Variants in NUB1 observed in about 807,000 individuals in gnomAD.
NUB1 encodes NEDD8 ultimate buster 1.
In NUB1, 41 loss-of-function variants were observed where a neutral mutation model predicts 77.1. The ratio of observed to expected loss-of-function variants is 0.53; its 90% CI spans 0.41 to 0.69. The LOEUF is 0.69. Ranked by LOEUF, NUB1 falls within the 30% of genes least tolerant of loss-of-function variation. NUB1 has a pLI of 0.00. For missense variants in NUB1, 643 were observed against 743.8 expected (o/e 0.86, Z 1.58); for synonymous variants, 257 against 281.0 (o/e 0.91, Z 0.85).
At chr7:151,363,519 A>T (rs1797487582) in intron 8 of NUB1, among the ~76,000 whole-genome samples, 2 of 152,104 alleles carry the variant, frequency 1.3e-5, no homozygotes, top group Non-Finnish European at 2.9e-5. Flanking sequence ...CCTAAAATGC[A>T]TGTAATTGGA....
At chr7:151,342,766 G>T (rs1387327390) in intron 1 of NUB1, among the ~76,000 whole-genome samples, 1 of 152,158 alleles carries the variant, frequency 6.6e-6, no homozygotes, top group African/African-American at 2.4e-5. Flanking sequence ...TGTCTGACAC[G>T]CACTGGGTTT....
chr7:151,374,203 T>C lies in NUB1; in HGVS notation c.1355T>C (p.Val452Ala), dbSNP rs1798097578. 2 of 1,568,816 alleles carry C rather than the reference T, an allele frequency of 1.3e-6. No homozygotes were observed. The highest frequency in any genetic ancestry group is 2.7e-5 in the African/African-American group (2 of 73,654). The change falls in exon 12 of 15, where the codon GTA becomes GCA. Residue 452 changes from valine to alanine, a missense_variant. Val to Ala is a moderately conservative substitution (Grantham distance 64). Transcript: ENST00000568733. ...TACTCCACGCACGCGGCCCAGCAGG[T>C]ACTCCACGCAGCCAGCGGGAACTTG... ...MGYSTHAAQQ[V>A]LHAASGNLDE...
intron 12 of NUB1, 97 bp downstream of exon 12, chr7:151,374,340 C>T (rs1261982771): frequency 7.1e-7 from 1 of 1,415,322 alleles, no homozygotes. Flanking sequence ...GGGCTCACTC[C>T]TATGGGCTGC....
At chr7:151,371,918 G>A (rs1797977901) in intron 11 of NUB1, among the ~76,000 whole-genome samples, 1 of 152,154 alleles carries the variant, frequency 6.6e-6, no homozygotes, top group Non-Finnish European at 1.5e-5. Context: ...TGTTGCCCAG[G>A]CCAGTCTCAA....
Position 151,368,743 on chromosome 7 carries a change from G to A in NUB1, c.1104G>A (p.Gln368=). 1.2e-6 allele frequency: 2 copies of A among 1,607,496 alleles called. No individual in the cohort carries two copies. Among genetic ancestry groups the A allele is most frequent in the Non-Finnish European group, 1.7e-6 (2 of 1,176,962 alleles). Residue 368 remains glutamine, a synonymous_variant, in exon 11 of 15, where the codon CAG becomes CAA. Transcript: ENST00000568733. ...EAYEYLNKAR[Q]LFKELYIDPS... ...CATTTCCCTGTCTCTAGGCACGTCA[G>A]CTCTTTAAAGAGCTATATATTGATC...
intron 2 of NUB1, among the ~76,000 whole-genome samples, chr7:151,345,810 C>G (rs1162622890): frequency 6.6e-6 from 1 of 152,170 alleles, no homozygotes; most frequent in African/African-American, 2.4e-5. Context: ...TTGGCTCATT[C>G]TCGGTCCTCC....
intron 14 of NUB1, 99 bp downstream of exon 14, chr7:151,376,910 C>A: frequency 7.0e-7 from 1 of 1,428,644 alleles, no homozygotes; most frequent in Non-Finnish European, 9.4e-7. Context: ...ACTGAGGGGG[C>A]GTCCCCTGAC....
chr7:151,351,639 A>G (rs1047337592), intron 4 of NUB1, among the ~76,000 whole-genome samples, 157 bp downstream of exon 4: 2 of 152,110 alleles, frequency 1.3e-5, no homozygotes, highest in Non-Finnish European at 2.9e-5. Context: ...GACTTATTAG[A>G]GCTGTCACTG....
chr7:151,364,767 C>T (rs1339657793), intron 8 of NUB1, among the ~76,000 whole-genome samples: 3 of 152,138 alleles, frequency 2.0e-5, no homozygotes, highest in Non-Finnish European at 4.4e-5. Context: ...CTGCCCGCCT[C>T]GGCCTCCCAA....
At chr7:151,355,261 T>A (rs550159930) in intron 5 of NUB1, among the ~76,000 whole-genome samples, 75 of 152,354 alleles carry the variant, frequency 4.9e-4, no homozygotes, top group African/African-American at 1.7e-3. Context: ...TTAGAAAAGA[T>A]GAATTTAGTT....
At chr7:151,350,130 A>T (rs1240893679) in intron 3 of NUB1, among the ~76,000 whole-genome samples, 1 of 152,212 alleles carries the variant, frequency 6.6e-6, no homozygotes, top group African/African-American at 2.4e-5. Flanking sequence ...AAGATCAAAG[A>T]CGTTAATACT....
intron 7 of NUB1, among the ~76,000 whole-genome samples, chr7:151,359,628 T>C (rs1435726244): frequency 6.7e-6 from 1 of 148,860 alleles, no homozygotes; most frequent in Admixed American, 6.6e-5. Context: ...AAATACGAAA[T>C]TAGCCGGGCA....
intron 11 of NUB1, among the ~76,000 whole-genome samples, chr7:151,370,580 A>G (rs1797908883): frequency 6.6e-6 from 1 of 151,800 alleles, no homozygotes; most frequent in South Asian, 2.1e-4. Context: ...TTTAGGGTAC[A>G]TGTGCACAAT....
intron 4 of NUB1, chr7:151,352,341 A>T (rs1483321450): frequency 9.2e-6 from 3 of 326,054 alleles, no homozygotes; most frequent in Non-Finnish European, 1.8e-5. Flanking sequence ...ATAGCCGTCT[A>T]GTAAGATGGC....
rs1179130590 is a variant in NUB1 at position 151,377,230 on chromosome 7, T to C, written c.*5T>C. The C allele has an allele frequency of 6.6e-7, 1 of 1,518,956 alleles. No homozygotes were observed. Among genetic ancestry groups the C allele is most frequent in the African/African-American group, 1.4e-5 (1 of 72,034 alleles). 94.1% of individuals were successfully genotyped at this position (1,518,956 alleles called of 1,614,324 possible). On this transcript the variant is annotated 3_prime_UTR_variant, in exon 15 of 15. Transcript: ENST00000568733. The stretch of plus-strand genomic sequence containing the variant: ...TCAGCAACAAAGAAAAACTAAATAA[T>C]GAACAGAAATAGCGCTAATTTTCTG...
chr7:151,349,980 A>G (rs117817183), intron 3 of NUB1, among the ~76,000 whole-genome samples: 2 of 152,328 alleles, frequency 1.3e-5, no homozygotes, highest in East Asian at 1.9e-4. Context: ...GGGGCAGGGT[A>G]AGGACTGTGA....
chr7:151,350,778 TTAA>T (rs1796758709), intron 3 of NUB1, among the ~76,000 whole-genome samples: 1 of 152,158 alleles, frequency 6.6e-6, no homozygotes, highest in East Asian at 1.9e-4. Context: ...CACATATATA[TTAA>T]TATGTAAAAC....
At chr7:151,373,063 G>A (rs936278651) in intron 11 of NUB1, among the ~76,000 whole-genome samples, 3 of 152,168 alleles carry the variant, frequency 2.0e-5, no homozygotes, top group Non-Finnish European at 2.9e-5. Context: ...TTTCCTAAGA[G>A]ATGAGGCCGC....
intron 1 of NUB1, among the ~76,000 whole-genome samples, chr7:151,345,081 G>T (rs1038539503): frequency 3.3e-5 from 5 of 152,114 alleles, no homozygotes; most frequent in African/African-American, 4.8e-5. Context: ...GAGAATAGCA[G>T]ATTAAGAAAT....
Sources: allele counts gnomAD v4.1 joint callset (sites outside exome capture counted in the v4.1 genomes callset), GRCh38; gene constraint gnomAD v4.1.1; transcripts MANE v1.5; gene names NCBI Gene and HGNC (gene_info 2026-07-23, HGNC 2026-07-21).